GPC6: variants seen among roughly 807,000 people sequenced by gnomAD.
The protein encoded by GPC6 is glypican-6.
A neutral mutation model predicts 55.2 loss-of-function variants in GPC6; 14 were observed. The ratio of observed to expected loss-of-function variants is 0.25; its 90% CI spans 0.17 to 0.40. GPC6 has a LOEUF of 0.40. GPC6 is among the 10% of genes least tolerant of loss of function. GPC6 has a pLI of 1.00. For synonymous variants in GPC6, 278 were observed against 259.6 expected (o/e 1.07, Z -0.68); for missense variants, 641 against 708.5 (o/e 0.90, Z 1.08).
At chr13:93,651,610 A>G (rs779258558) in intron 2 of GPC6, among the ~76,000 whole-genome samples, 6 of 152,148 alleles carry the variant, frequency 3.9e-5, no homozygotes, top group Admixed American at 1.3e-4. Flanking sequence ...TTTTCTTAAC[A>G]TAATCCATAC....
At chr13:94,175,953 T>TAGAG (rs1263703793) in intron 4 of GPC6, among the ~76,000 whole-genome samples, 8 of 106,556 alleles carry the variant, frequency 7.5e-5, no homozygotes, top group Non-Finnish European at 1.2e-4. Context: ...TATATATATA[T>TAGAG]ATAGAGAGAG....
intron 2 of GPC6, among the ~76,000 whole-genome samples, chr13:93,759,674 A>G (rs767106911): frequency 6.6e-6 from 1 of 152,168 alleles, no homozygotes; most frequent in Non-Finnish European, 1.5e-5. Context: ...ATTTTCCTAA[A>G]TATCTTATTT....
intron 1 of GPC6, among the ~76,000 whole-genome samples, chr13:93,463,415 C>G (rs902182431): frequency 6.6e-6 from 1 of 152,182 alleles, no homozygotes; most frequent in Admixed American, 6.5e-5. Flanking sequence ...AGCTGGACAT[C>G]TGGCTCTTCA....
intron 1 of GPC6, among the ~76,000 whole-genome samples, chr13:93,479,180 C>A (rs1019657567): frequency 2.0e-5 from 3 of 152,006 alleles, no homozygotes; most frequent in Admixed American, 6.5e-5. Flanking sequence ...ATTACCAATT[C>A]AAAAAATGTG....
intron 2 of GPC6, among the ~76,000 whole-genome samples, chr13:93,764,745 A>G (rs1253802375): frequency 6.6e-6 from 1 of 152,172 alleles, no homozygotes; most frequent in Admixed American, 6.6e-5. Context: ...AGGAGAAAAT[A>G]TAGTCCTGGA....
chr13:93,952,898 C>T (rs1332816914), intron 3 of GPC6, among the ~76,000 whole-genome samples: 2 of 143,292 alleles, frequency 1.4e-5, no homozygotes, highest in African/African-American at 5.1e-5. Context: ...GTGATATATA[C>T]GTGTATATAT....
At chr13:93,789,482 ACTCTCTCTCT>A (rs766627327) in intron 2 of GPC6, among the ~76,000 whole-genome samples, 1 of 59,622 alleles carries the variant, frequency 1.7e-5, no homozygotes, top group African/African-American at 6.4e-5. Flanking sequence ...ATGTGAGTGA[ACTCTCTCTCT>A]CTCTCTCTCT....
chr13:94,148,571 A>G (rs1420100855), intron 4 of GPC6, among the ~76,000 whole-genome samples: 1 of 152,202 alleles, frequency 6.6e-6, no homozygotes, highest in African/African-American at 2.4e-5. Flanking sequence ...TTTCTACTGT[A>G]GGATGTAAAC....
chr13:93,527,631 TA>T (rs1881706855), intron 1 of GPC6, among the ~76,000 whole-genome samples: 2 of 152,112 alleles, frequency 1.3e-5, no homozygotes, highest in Non-Finnish European at 2.9e-5. Context: ...TAGGTACCTA[TA>T]CACAAATTTT....
intron 4 of GPC6, among the ~76,000 whole-genome samples, chr13:94,069,006 G>A (rs1884634739): frequency 6.6e-6 from 1 of 152,182 alleles, no homozygotes; most frequent in South Asian, 2.1e-4. Context: ...GTCCCAGTAG[G>A]GACTCTGTGT....
rs529016764 is a variant in GPC6, at chr13:93,540,313, A to C, written c.161-4950A>C. 3.3e-5 allele frequency among the ~76,000 whole-genome samples: 5 copies of C among 152,294 alleles called. No individual in the cohort carries two copies. The East Asian group carries it at 9.7e-4, about 29-fold the overall frequency. On this transcript the variant is annotated intron_variant, in intron 1 of 8. Coordinates refer to ENST00000377047, the MANE Select transcript of GPC6 (RefSeq NM_005708.5). Reference sequence around the variant, plus strand: ...CATACAGAAAAAGTAAAGATAATGTATTAAGTACCATATATCCATCAAGCA... The same window carrying C: ...CATACAGAAAAAGTAAAGATAATGTCTTAAGTACCATATATCCATCAAGCA...
At chr13:93,298,539 A>ATCC (rs1329943200) in intron 1 of GPC6, among the ~76,000 whole-genome samples, 1 of 151,780 alleles carries the variant, frequency 6.6e-6, no homozygotes, top group Non-Finnish European at 1.5e-5. Context: ...GGCTTAAGCG[A>ATCC]TCCTCCCATC....
chr13:93,332,077 G>A (rs948752450), intron 1 of GPC6, among the ~76,000 whole-genome samples: 4 of 151,630 alleles, frequency 2.6e-5, no homozygotes, highest in Non-Finnish European at 4.4e-5. Context: ...ATTGTGTATA[G>A]ATACCACATT....
intron 4 of GPC6, among the ~76,000 whole-genome samples, chr13:94,248,601 C>G (rs1035547955): frequency 4.0e-5 from 6 of 151,854 alleles, no homozygotes; most frequent in Admixed American, 2.0e-4. Flanking sequence ...ACACATGTGA[C>G]CTTCATATAG....
intron 2 of GPC6, among the ~76,000 whole-genome samples, chr13:93,610,535 C>T (rs1168550080): frequency 6.6e-6 from 1 of 151,982 alleles, no homozygotes; most frequent in African/African-American, 2.4e-5. Context: ...GATAAGTGAT[C>T]TTAAGGTAAA....
intron 1 of GPC6, among the ~76,000 whole-genome samples, chr13:93,362,688 A>T (rs1033764644): frequency 7.5e-6 from 1 of 133,746 alleles, no homozygotes; most frequent in Non-Finnish European, 1.5e-5. Flanking sequence ...ATAAAAAAAA[A>T]AATTTTTTTT....
At chr13:94,116,671 A>C (rs1276237774) in intron 4 of GPC6, among the ~76,000 whole-genome samples, 1 of 152,080 alleles carries the variant, frequency 6.6e-6, no homozygotes, top group Non-Finnish European at 1.5e-5. Context: ...TGTTCACATT[A>C]GCGCTTACGT....
Position 93,336,970 on chromosome 13 carries a change from T to A in GPC6, c.160+109354T>A, listed in dbSNP as rs138552791. ...GTCAAAGCTCCTTCAATGCAAAGAT[T>A]TTCTGCCGTATTTAACATGTTAACT... On this transcript the variant is annotated intron_variant, in intron 1 of 8. Transcript: ENST00000377047. 3.4e-3 allele frequency among the ~76,000 whole-genome samples: 511 copies of A among 152,302 alleles called. 5 individuals are homozygous for A. The highest frequency in any genetic ancestry group is 0.012 in the African/African-American group (496 of 41,560).
intron 1 of GPC6, among the ~76,000 whole-genome samples, chr13:93,239,198 C>T (rs7999192): frequency 0.26 from 39,118 of 151,732 alleles, 5,144 homozygotes; most frequent in African/African-American, 0.32. Flanking sequence ...TCAGCATGAA[C>T]CTAGCTGGTC....
Sources: gnomAD v4.1 joint callset for allele counts (sites outside exome capture counted in the v4.1 genomes callset) on GRCh38, gnomAD v4.1.1 for gene constraint, MANE v1.5 for transcripts, NCBI Gene and HGNC (gene_info 2026-07-23, HGNC 2026-07-21) for gene names.